Variants in FANCA observed in about 807,000 individuals in gnomAD.
FANCA encodes the protein FA complementation group A.
FANCA carries 236 observed loss-of-function variants against 194.3 expected under a neutral mutation model. That is an observed-to-expected ratio of 1.21 (90% confidence interval 1.09 to 1.35). FANCA has a LOEUF of 1.35. FANCA is among the 40% of genes most tolerant of loss of function. The probability of loss-of-function intolerance (pLI) is 0.00; values close to 1 mark genes in which losing one functional copy is unlikely to be tolerated. For synonymous variants in FANCA, 1,014 were observed against 715.8 expected (o/e 1.42, Z -6.65); for missense variants, 2,628 against 1,813.9 (o/e 1.45, Z -8.15).
chr16:89,738,952 G>T lies in FANCA; in HGVS notation c.4190C>A (p.Thr1397Lys). The T allele has an allele frequency of 6.2e-7, 1 of 1,614,260 alleles. No homozygotes were observed. ...KGQGNPVELI[T>K]KARLFLLQLI... ...CTGCAGCAGAAAAAGACGAGCTTTT[G>T]TTATCAGTTCCACGGGGTTGCCCTA... The change falls in exon 42 of 43, where the codon ACA becomes AAA. Residue 1397 changes from threonine (T) to lysine (K), a missense_variant. Coordinates refer to ENST00000389301, the MANE Select transcript of FANCA (RefSeq NM_000135.4).
In FANCA at chr16:89,779,939, G is replaced by A. The variant is rs779745863; in HGVS notation, c.1645C>T (p.Gln549Ter). 19 of 1,614,086 alleles carry A rather than the reference G, an allele frequency of 1.2e-5. No homozygotes were observed. Among genetic ancestry groups the A allele is most frequent in the Non-Finnish European group, 1.6e-5 (19 of 1,180,050 alleles). Residue 549 changes from glutamine (Q) to a stop codon, truncating the protein, a stop_gained, in exon 18 of 43, where the codon CAG becomes TAG. Coordinates refer to ENST00000389301, the MANE Select transcript of FANCA (RefSeq NM_000135.4). LOFTEE classifies it high-confidence loss of function. ...ACCATGATGGCCTTTTCAACATCCT[G>A]AAGAGCTTGGCTGTGGGGCTGGTTC... ...DITEPHSQALQDVEKAIMVFE... is the reference protein window; with the variant it reads ...DITEPHSQAL
Position 89,799,192 on chromosome 16 carries a change from G to C in FANCA, c.867C>G (p.Ser289=). 1 of 1,614,118 alleles carries C rather than the reference G, an allele frequency of 6.2e-7. No individual in the cohort carries two copies. The highest frequency in any genetic ancestry group is 1.1e-5 in the South Asian group (1 of 91,086). Reference sequence around the variant, plus strand: ...AGCACCTCACGATCTTGTGAGTGGAGGACTCCTCCTGTACTCCAGCAGCCA... The same window carrying C: ...AGCACCTCACGATCTTGTGAGTGGACGACTCCTCCTGTACTCCAGCAGCCA... ...DALAAGVQEE[S]STHKIVRCWF... Residue 289 remains serine (S), a synonymous_variant, in exon 10 of 43, where the codon TCC becomes TCG. Transcript: ENST00000389301.
At chr16:89,815,754 C>G in intron 2 of FANCA, 123 bp downstream of exon 2, 1 of 810,296 alleles carries the variant, frequency 1.2e-6, no homozygotes, top group Admixed American at 1.8e-5. Context: ...GCGACCCTCC[C>G]CTCTGCGGGC....
At chr16:89,769,384 G>C (rs2039242677) in intron 26 of FANCA, among the ~76,000 whole-genome samples, 1 of 152,122 alleles carries the variant, frequency 6.6e-6, no homozygotes, top group Admixed American at 6.5e-5. Flanking sequence ...CTTAACCACA[G>C]GGTCCTTCCT....
intron 30 of FANCA, among the ~76,000 whole-genome samples, chr16:89,753,677 G>T (rs1009279802): frequency 6.6e-6 from 1 of 152,108 alleles, no homozygotes; most frequent in African/African-American, 2.4e-5. Context: ...ATTTAATGAG[G>T]AAAGACTGAA....
At chr16:89,786,580 G>A (rs554401160) in intron 14 of FANCA, among the ~76,000 whole-genome samples, 1 of 152,302 alleles carries the variant, frequency 6.6e-6, no homozygotes, top group Admixed American at 6.5e-5. Flanking sequence ...GCCTTCCAAA[G>A]TGCTGGGATT....
chr16:89,757,286 G>T lies in FANCA; in HGVS notation c.2981+1291C>A, dbSNP rs190333737. 6.6e-5 allele frequency among the ~76,000 whole-genome samples: 10 copies of T among 152,248 alleles called. No individual in the cohort carries two copies. The East Asian group carries it at 1.9e-3, about 29-fold the overall frequency. On this transcript the variant is annotated intron_variant, in intron 30 of 42. Transcript: ENST00000389301. ...CAAGGTTGTTTTGACCTAAGAGTGG[G>T]ATTTAAGGTAACAGCAGATAAATGG...
chr16:89,808,512 G>C, intron 5 of FANCA, 145 bp from the exon 6 acceptor site: 4 of 825,564 alleles, frequency 4.8e-6, no homozygotes, highest in Non-Finnish European at 3.9e-6. Context: ...CAAAAACTTA[G>C]AGCCTGAAAC....
At position 89,805,193 on chromosome 16, in the gene FANCA, T is replaced by C. The variant is rs1230762709; in HGVS notation, c.709+87A>G. On this transcript the variant is annotated intron_variant, in intron 7 of 42. Coordinates refer to ENST00000389301, the MANE Select transcript of FANCA (RefSeq NM_000135.4). ...ACGGCCACGGAGAGACAGGCTGTTCTGCCTCGCAGAGCTCTTGAGAGCAGA... is the reference window on the plus strand; with the variant it reads ...ACGGCCACGGAGAGACAGGCTGTTCCGCCTCGCAGAGCTCTTGAGAGCAGA... 3.0e-6 allele frequency: 3 copies of C among 1,015,990 alleles called. No homozygotes were observed. The African/African-American group carries it at 4.8e-5, about 16-fold the overall frequency. 62.9% of individuals were successfully genotyped at this position (1,015,990 alleles called of 1,614,324 possible).
intron 38 of FANCA, 106 bp from the exon 39 acceptor site, chr16:89,740,205 G>C (rs923989282): frequency 3.2e-6 from 3 of 941,478 alleles, no homozygotes; most frequent in East Asian, 2.4e-5. Flanking sequence ...TTTGCTTATT[G>C]TAAGTCTTAA....
At chr16:89,791,654 G>C (rs1271232978) in intron 13 of FANCA, 118 bp from the exon 14 acceptor site, 3 of 1,410,702 alleles carry the variant, frequency 2.1e-6, no homozygotes, top group African/African-American at 1.4e-5. Flanking sequence ...CAAACACCAA[G>C]TTTTAAAAGA....
chr16:89,767,304 T>G, intron 26 of FANCA, 67 bp from the exon 27 acceptor site: 1 of 1,165,630 alleles, frequency 8.6e-7, no homozygotes, highest in Non-Finnish European at 1.3e-6. Context: ...AAAAAGTTAC[T>G]TTGAATTTCA....
In FANCA at chr16:89,737,826, GA is replaced by G; in HGVS notation, c.*774del. 1 of 1,614,184 alleles carries G rather than the reference GA, an allele frequency of 6.2e-7. No individual in the cohort carries two copies. Among genetic ancestry groups the G allele is most frequent in the Non-Finnish European group, 8.5e-7 (1 of 1,180,034 alleles). On this transcript the variant is annotated 3_prime_UTR_variant, in exon 43 of 43. Coordinates refer to ENST00000389301, the MANE Select transcript of FANCA (RefSeq NM_000135.4). ...CTCAGAGGTGCGGAACTATATCTGT[GA>G]CGAATGTGGACAAACCTTCAAGCAG...
chr16:89,792,645 C>G lies in FANCA; in HGVS notation c.1007-98G>C. 3.2e-6 allele frequency: 3 copies of G among 937,820 alleles called. No homozygotes were observed. The South Asian group carries it at 4.1e-5, about 13-fold the overall frequency. 58.1% of individuals were successfully genotyped at this position (937,820 alleles called of 1,614,324 possible). A position where few individuals can be genotyped will look rare whatever the true frequency, so the allele number is the denominator to read the frequency against. Reference sequence around the variant, plus strand: ...CCCACAGGGTCGGTGGGTCTCTCCCCGTGTGCGGCGACGAGAGAGTGTAGA... The same window carrying G: ...CCCACAGGGTCGGTGGGTCTCTCCCGGTGTGCGGCGACGAGAGAGTGTAGA... On this transcript the variant is annotated intron_variant, in intron 11 of 42. Coordinates refer to ENST00000389301, the MANE Select transcript of FANCA (RefSeq NM_000135.4).
intron 22 of FANCA, among the ~76,000 whole-genome samples, chr16:89,772,062 G>A (rs1295494906): frequency 6.6e-6 from 1 of 152,134 alleles, no homozygotes; most frequent in Non-Finnish European, 1.5e-5. Flanking sequence ...GCTGAGAGGG[G>A]GACATGTTCA....
intron 17 of FANCA, among the ~76,000 whole-genome samples, chr16:89,782,212 A>T (rs1273757814): frequency 6.6e-6 from 1 of 150,770 alleles, no homozygotes; most frequent in African/African-American, 2.4e-5. Flanking sequence ...CGTCTCTACT[A>T]AAAAAAATTA....
rs371050724 is a variant in FANCA, at chr16:89,756,399, C to T, written c.2981+2178G>A. ...ATCCCAGCACTTTGGGAGGCCGAGG[C>T]GGGCAGATCACCTGAGGTCAGAAGT... On this transcript the variant is annotated intron_variant, in intron 30 of 42. Coordinates refer to ENST00000389301, the MANE Select transcript of FANCA (RefSeq NM_000135.4). Among the ~76,000 whole-genome samples, 10 of 152,260 alleles carry T rather than the reference C, an allele frequency of 6.6e-5. No individual in the cohort carries two copies. The South Asian group carries it at 1.5e-3, about 22-fold the overall frequency.
chr16:89,765,211 G>A (rs898700273), intron 27 of FANCA, 145 bp from the exon 28 acceptor site: 10 of 970,110 alleles, frequency 1.0e-5, no homozygotes, highest in Admixed American at 8.1e-5. Flanking sequence ...CCCTGGGAGG[G>A]CGCAATACAC....
At chr16:89,757,799 C>G (rs1229303273) in intron 30 of FANCA, among the ~76,000 whole-genome samples, 1 of 152,224 alleles carries the variant, frequency 6.6e-6, no homozygotes, top group African/African-American at 2.4e-5. Flanking sequence ...TGCCCAGGAT[C>G]TACTAGGCCA....
Sources: allele counts gnomAD v4.1 joint callset (sites outside exome capture counted in the v4.1 genomes callset), GRCh38; gene constraint gnomAD v4.1.1; transcripts MANE v1.5; gene names NCBI Gene and HGNC (gene_info 2026-07-23, HGNC 2026-07-21).